The following STK3 variants were observed in gnomAD, a reference collection of about 807,000 sequenced individuals.
STK3 encodes the protein serine/threonine-protein kinase 3.
A neutral mutation model predicts 58.0 loss-of-function variants in STK3; 41 were observed. That is an observed-to-expected ratio of 0.71 (90% CI 0.55 to 0.92). The LOEUF (loss-of-function observed/expected upper bound fraction) is 0.92, where lower values mean the gene tolerates loss of function less well. STK3 is among the 40% of genes least tolerant of loss of function. The probability of loss-of-function intolerance (pLI) is 0.00; values close to 1 mark genes in which losing one functional copy is unlikely to be tolerated. For missense variants in STK3, 479 were observed against 602.7 expected, an observed-to-expected ratio of 0.79 and a Z score of 2.15; for synonymous variants, 170 against 191.0, an observed-to-expected ratio of 0.89 and a Z score of 0.91.
rs61433611 is a variant in STK3, at chr8:98,920,563, C to A, written c.-79+21815G>T. Among the ~76,000 whole-genome samples, 770 of 152,342 alleles carry A rather than the reference C, an allele frequency of 5.1e-3. 27 individuals carry two copies. The East Asian group carries it at 0.076, about 15-fold the overall frequency. Reference sequence around the variant, plus strand: ...GCCTTTTATGTTGCCACAAGTGGTGCAGCCGTTGTTTGGACCTGGCGGAGT... The same window carrying A: ...GCCTTTTATGTTGCCACAAGTGGTGAAGCCGTTGTTTGGACCTGGCGGAGT... On this transcript the variant is annotated intron_variant, in intron 1 of 1. Transcript: ENST00000519420.
chr8:98,892,296 G>C (rs1838228231), intron 1 of STK3, among the ~76,000 whole-genome samples: 1 of 152,046 alleles, frequency 6.6e-6, no homozygotes, highest in Non-Finnish European at 1.5e-5. Flanking sequence ...ATCGACTCCT[G>C]CCAGGATGAC....
chr8:98,554,153 C>G (rs1465260864), intron 8 of STK3, among the ~76,000 whole-genome samples: 1 of 152,102 alleles, frequency 6.6e-6, no homozygotes, highest in Admixed American at 6.5e-5. Context: ...AAACTATCTA[C>G]AGCATTTCTC....
At chr8:98,694,153 C>A (rs993349629) in intron 6 of STK3, among the ~76,000 whole-genome samples, 3 of 152,048 alleles carry the variant, frequency 2.0e-5, no homozygotes, top group Non-Finnish European at 4.4e-5. Context: ...TGCTATGTTT[C>A]TCCAAAAAGG....
intron 6 of STK3, among the ~76,000 whole-genome samples, chr8:98,677,757 C>T (rs1823334249): frequency 6.6e-6 from 1 of 152,148 alleles, no homozygotes; most frequent in African/African-American, 2.4e-5. Context: ...TCTGCCTTCA[C>T]CCTTTTTCTT....
chr8:98,862,578 T>C (rs1485343489), intron 3 of STK3, among the ~76,000 whole-genome samples: 1 of 152,264 alleles, frequency 6.6e-6, no homozygotes, highest in African/African-American at 2.4e-5. Flanking sequence ...GTTTTTCATT[T>C]GGAGATGGCT....
At chr8:98,559,340 G>A (rs1386017949) in intron 8 of STK3, among the ~76,000 whole-genome samples, 1 of 152,098 alleles carries the variant, frequency 6.6e-6, no homozygotes, top group Non-Finnish European at 1.5e-5. Flanking sequence ...ATAGTTTAAT[G>A]GGGAGTTACA....
chr8:98,889,850 G>T (rs1443157705), intron 1 of STK3: 1 of 152,150 alleles, frequency 6.6e-6, no homozygotes, highest in African/African-American at 2.4e-5. Context: ...ACCGGTTCTG[G>T]ATTACACTTT....
chr8:98,695,667 C>T (rs1824844939), intron 6 of STK3, among the ~76,000 whole-genome samples: 1 of 152,134 alleles, frequency 6.6e-6, no homozygotes, highest in Admixed American at 6.5e-5. Flanking sequence ...AGATATGAAG[C>T]ATTATTTCTG....
chr8:98,461,999 A>G (rs2131171125), intron 10 of STK3, among the ~76,000 whole-genome samples: 2 of 151,934 alleles, frequency 1.3e-5, no homozygotes, highest in East Asian at 3.9e-4. Flanking sequence ...GGTACCTGAA[A>G]TGTTTTGATA....
At chr8:98,630,648 G>A (rs1819115530) in intron 6 of STK3, among the ~76,000 whole-genome samples, 1 of 150,940 alleles carries the variant, frequency 6.6e-6, no homozygotes, top group African/African-American at 2.4e-5. Flanking sequence ...AGAAGAAGGA[G>A]AAGGAGAAGG....
At chr8:98,839,803 A>G (rs1374522706) in intron 3 of STK3, among the ~76,000 whole-genome samples, 2 of 152,232 alleles carry the variant, frequency 1.3e-5, no homozygotes, top group Non-Finnish European at 2.9e-5. Context: ...CAAAGATATT[A>G]GGAAAGTTAT....
chr8:98,876,170 C>T (rs1837553812), intron 3 of STK3, among the ~76,000 whole-genome samples: 1 of 152,196 alleles, frequency 6.6e-6, no homozygotes, highest in Admixed American at 6.5e-5. Flanking sequence ...CACTTAGCCC[C>T]CTTCAGCCTT....
chr8:98,924,429 T>A (rs1839706335), intron 1 of STK3, among the ~76,000 whole-genome samples: 1 of 152,204 alleles, frequency 6.6e-6, no homozygotes, highest in African/African-American at 2.4e-5. Flanking sequence ...TCAGTACAGT[T>A]TATTTCTATG....
At chr8:98,365,789 T>C in the STK3 span, among the ~76,000 whole-genome samples, 1 of 152,240 alleles carries the variant, frequency 6.6e-6, no homozygotes, top group Non-Finnish European at 1.5e-5. Context: ...ATCCTATACA[T>C]AATATTCTGC....
At chr8:98,797,158 T>C (rs1833232799) in intron 1 of STK3, among the ~76,000 whole-genome samples, 1 of 152,214 alleles carries the variant, frequency 6.6e-6, no homozygotes, top group Non-Finnish European at 1.5e-5. Flanking sequence ...GCAGCTACAC[T>C]CATCGATTAC....
chr8:98,528,415 A>G (rs1042974907), intron 9 of STK3, among the ~76,000 whole-genome samples: 1 of 152,118 alleles, frequency 6.6e-6, no homozygotes, highest in Non-Finnish European at 1.5e-5. Context: ...GGCTCCAAAT[A>G]AATGTCCCAG....
the STK3 span, among the ~76,000 whole-genome samples, chr8:98,345,168 G>A: frequency 1.3e-5 from 2 of 151,996 alleles, no homozygotes; most frequent in Admixed American, 6.6e-5. Context: ...AATCTACTGA[G>A]CCTGAAGTGG....
At chr8:98,513,548 T>G (rs887976807) in intron 10 of STK3, among the ~76,000 whole-genome samples, 4 of 152,166 alleles carry the variant, frequency 2.6e-5, no homozygotes, top group African/African-American at 9.7e-5. Context: ...CATATGTCCC[T>G]AGAAGTTGGG....
intron 6 of STK3, among the ~76,000 whole-genome samples, chr8:98,684,175 T>C (rs1170114470): frequency 6.6e-6 from 1 of 152,150 alleles, no homozygotes; most frequent in Non-Finnish European, 1.5e-5. Flanking sequence ...AAAGATAAAA[T>C]GTATCACAGT....
Sources: gnomAD v4.1 joint callset for allele counts (sites outside exome capture counted in the v4.1 genomes callset) on GRCh38, gnomAD v4.1.1 for gene constraint, MANE v1.5 for transcripts, NCBI Gene and HGNC (gene_info 2026-07-23, HGNC 2026-07-21) for gene names.